The following TRIM62 variants were observed in gnomAD, a reference collection of about 807,000 sequenced individuals.
TRIM62 encodes tripartite motif containing 62.
In TRIM62, 39 loss-of-function variants were observed where a neutral mutation model predicts 44.2. The ratio of observed to expected loss-of-function variants is 0.88; its 90% CI spans 0.68 to 1.15. The LOEUF is 1.15. TRIM62 is among the 50% of genes most tolerant of loss of function. TRIM62 has a pLI of 0.00. For synonymous variants in TRIM62, 278 were observed against 292.3 expected, an observed-to-expected ratio of 0.95 and a Z score of 0.50; for missense variants, 544 against 665.5, an observed-to-expected ratio of 0.82 and a Z score of 2.01.
chr1:33,159,309 C>T lies in TRIM62; in HGVS notation c.761+379G>A, dbSNP rs1645228064. Among the ~76,000 whole-genome samples, 1 of 151,942 alleles carries T rather than the reference C, an allele frequency of 6.6e-6. No homozygotes were observed. The highest frequency in any genetic ancestry group is 1.5e-5 in the Non-Finnish European group (1 of 67,984). ...TATATTTATATTATGATTGTAAACA[C>T]TATTAAATGCTACCTACTATCTATA... On this transcript the variant is annotated intron_variant, in intron 3 of 4. Transcript: ENST00000291416. The surrounding 1 kb of genome is among the most constrained non-coding windows in gnomAD (Gnocchi z 4.2).
At chr1:33,171,208 A>G (rs1645372391) in intron 1 of TRIM62, among the ~76,000 whole-genome samples, 1 of 152,226 alleles carries the variant, frequency 6.6e-6, no homozygotes, top group African/African-American at 2.4e-5. Context: ...AGGAAACTGG[A>G]GCCTGATAAA....
rs6682860 is a variant in TRIM62, at chr1:33,145,749, G to A, written c.*1428C>T. On this transcript the variant is annotated 3_prime_UTR_variant, in exon 5 of 5. Coordinates refer to ENST00000291416, the MANE Select transcript of TRIM62 (RefSeq NM_018207.3). Reference sequence around the variant, plus strand: ...CACCTCTGGGCAGGGATAGAGCCAAGGGGCAGGACAACCCTAGATGTGGAC... The same window carrying A: ...CACCTCTGGGCAGGGATAGAGCCAAAGGGCAGGACAACCCTAGATGTGGAC... 9.2e-3 allele frequency: 3,731 copies of A among 407,560 alleles called. 118 individuals carry two copies. The highest frequency in any genetic ancestry group is 0.069 in the African/African-American group (3,329 of 48,138). 25.2% of individuals were successfully genotyped at this position (407,560 alleles called of 1,614,324 possible).
chr1:33,169,670 G>A (rs2124744152), intron 1 of TRIM62, among the ~76,000 whole-genome samples: 1 of 152,304 alleles, frequency 6.6e-6, no homozygotes, highest in South Asian at 2.1e-4. Flanking sequence ...GTCCAGACGT[G>A]TGCTGTTCAA....
chr1:33,152,693 T>A (rs1645118514), intron 4 of TRIM62, among the ~76,000 whole-genome samples: 1 of 152,228 alleles, frequency 6.6e-6, no homozygotes, highest in African/African-American at 2.4e-5. Flanking sequence ...ACAAATAATT[T>A]AATCTGCATA....
rs758391891 is a variant in TRIM62, at chr1:33,165,932, A to G, written c.409-366T>C. 1.2e-5 allele frequency: 2 copies of G among 167,482 alleles called. No homozygotes were observed. The highest frequency in any genetic ancestry group is 2.6e-5 in the Non-Finnish European group (2 of 78,308). 10.4% of individuals were successfully genotyped at this position (167,482 alleles called of 1,614,324 possible). ...AGGCCACAGGTGGGTATTGGTCCAT[A>G]GCTTGTTAGGAACCTGGACGCACAG... is the stretch of plus-strand genomic sequence containing the variant. On this transcript the variant is annotated intron_variant, in intron 1 of 4. Transcript: ENST00000291416. The surrounding 1 kb of genome is among the most constrained non-coding windows in gnomAD (Gnocchi z 4.0).
At chr1:33,170,822 C>G (rs1645368331) in intron 1 of TRIM62, among the ~76,000 whole-genome samples, 1 of 152,146 alleles carries the variant, frequency 6.6e-6, no homozygotes, top group African/African-American at 2.4e-5. Flanking sequence ...GCCCCAGTGC[C>G]TTGTCTGAAA....
chr1:33,159,693 G>C lies in TRIM62; in HGVS notation c.756C>G (p.Ser252=). The change falls in exon 3 of 5, where the codon TCC becomes TCG. Residue 252 remains serine (S), a synonymous_variant. Transcript: ENST00000291416. The surrounding 1 kb of genome is among the most constrained non-coding windows in gnomAD (Gnocchi z 4.2). ...CCCCGGCGGGTGGCACTTACCGCTC[G>C]GACAGTGAGGCCACCCCAGCCAGGA... ...HTFLAGVASL[S]ERLKGKIHET... is the part of the protein sequence containing the mutation. The C allele has an allele frequency of 6.2e-7, 1 of 1,606,890 alleles. No homozygotes were observed. Among genetic ancestry groups the C allele is most frequent in the Non-Finnish European group, 8.5e-7 (1 of 1,178,098 alleles).
At chr1:33,148,947 CTT>C in intron 4 of TRIM62, among the ~76,000 whole-genome samples, 1 of 152,322 alleles carries the variant, frequency 6.6e-6, no homozygotes, top group South Asian at 2.1e-4. Flanking sequence ...AGCGCCAGTC[CTT>C]TCTCCCAGCC....
chr1:33,159,581 A>G lies in TRIM62; in HGVS notation c.761+107T>C. On this transcript the variant is annotated intron_variant, in intron 3 of 4. Transcript: ENST00000291416. The surrounding 1 kb of genome is among the most constrained non-coding windows in gnomAD (Gnocchi z 4.2). ...CCGTAAATGTTTGATGAAGATTTGA[A>G]TGAAAGAATTCTCTGCTAAGGATCC... is the stretch of plus-strand genomic sequence containing the variant. The G allele has an allele frequency of 7.0e-7, 1 of 1,420,974 alleles. No homozygotes were observed. Among genetic ancestry groups the G allele is most frequent in the Non-Finnish European group, 9.3e-7 (1 of 1,074,238 alleles). The allele number at this position is 1,420,974 out of a possible 1,614,324, so 88.0% of individuals were successfully genotyped here.
intron 4 of TRIM62, among the ~76,000 whole-genome samples, chr1:33,152,775 C>T (rs1284300776): frequency 6.6e-6 from 1 of 152,032 alleles, no homozygotes; most frequent in African/African-American, 2.4e-5. Context: ...GAGGGGAGTG[C>T]ATTGCTCTGG....
At chr1:33,152,573 GAAAAAA>G (rs34380913) in intron 4 of TRIM62, among the ~76,000 whole-genome samples, 6 of 102,824 alleles carry the variant, frequency 5.8e-5, no homozygotes, top group Non-Finnish European at 1.2e-4. Flanking sequence ...GTCTCAAAAA[GAAAAAA>G]AAAAAAAAAA....
rs1003436834 is a variant in TRIM62 at position 33,165,258 on chromosome 1, C to T, written c.504+213G>A. On this transcript the variant is annotated intron_variant, in intron 2 of 4. Transcript: ENST00000291416. The surrounding 1 kb of genome is among the most constrained non-coding windows in gnomAD (Gnocchi z 4.0). ...CCGAGGGACCAGCCCACATCCTTGC[C>T]GCCAGTCATGATGGGGTGGGTGCCG... The T allele has an allele frequency of 1.4e-5, 7 of 485,286 alleles. No individual in the cohort carries two copies. Among genetic ancestry groups the T allele is most frequent in the Non-Finnish European group, 2.2e-5 (6 of 269,872 alleles). 30.1% of individuals were successfully genotyped at this position (485,286 alleles called of 1,614,324 possible). A position where few individuals can be genotyped will look rare whatever the true frequency, so the allele number is the denominator to read the frequency against.
chr1:33,163,304 G>A (rs529800006), intron 2 of TRIM62: 28 of 152,286 alleles, frequency 1.8e-4, no homozygotes, highest in African/African-American at 6.3e-4. Context: ...CTCCCAAAGT[G>A]CTAGGATTAC....
Position 33,147,120 on chromosome 1 carries a change from G to T in TRIM62, c.*57C>A. 6.4e-7 allele frequency: 1 copy of T among 1,572,838 alleles called. No homozygotes were observed. Among genetic ancestry groups the T allele is most frequent in the Non-Finnish European group, 8.7e-7 (1 of 1,155,578 alleles). On this transcript the variant is annotated 3_prime_UTR_variant, in exon 5 of 5. Transcript: ENST00000291416. This position sits in a 1 kb window ranked among gnomAD's most constrained non-coding sequence, Gnocchi z 8.1. The stretch of plus-strand genomic sequence containing the variant: ...GGAGTCCAGGTCTTCTATCTCCTGG[G>T]CAGGGCTCTTGCAGGTGGCAGTGGT...
In TRIM62 at chr1:33,147,479, C is replaced by CCTTGCGG; in HGVS notation, c.1119_1125dup (p.Gly376ProfsTer35). 6.2e-7 allele frequency: 1 copy of CCTTGCGG among 1,613,824 alleles called. No individual in the cohort carries two copies. The highest frequency in any genetic ancestry group is 1.3e-5 in the African/African-American group (1 of 75,056). ...CGGCTGGGCTGGATCTGGATGCTGCCCTTGCGGCTTGCGGCTTCGTGTGCC... is the reference window on the plus strand; with the variant it reads ...CGGCTGGGCTGGATCTGGATGCTGCCCTTGCGGCTTGCGGCTTGCGGCTTCGTGTGCC... On this transcript the variant is annotated frameshift_variant, in exon 5 of 5. Transcript: ENST00000291416. LOFTEE classifies it high-confidence loss of function. This position sits in a 1 kb window ranked among gnomAD's most constrained non-coding sequence, Gnocchi z 8.1.
rs1373645410 is a variant in TRIM62, at chr1:33,165,840, ACT to A, written c.409-276_409-275del. Reference sequence around the variant, plus strand: ...TGTGACAATCGACTTCCACATACACACTCTCTGGCTCCCCACACTTGGCCCTG... The same window carrying A: ...TGTGACAATCGACTTCCACATACACACTCTGGCTCCCCACACTTGGCCCTG... On this transcript the variant is annotated intron_variant, in intron 1 of 4. Coordinates refer to ENST00000291416, the MANE Select transcript of TRIM62 (RefSeq NM_018207.3). The surrounding 1 kb of genome is among the most constrained non-coding windows in gnomAD (Gnocchi z 4.0). 2.4e-5 allele frequency: 7 copies of A among 286,650 alleles called. No homozygotes were observed. The highest frequency in any genetic ancestry group is 4.5e-5 in the Non-Finnish European group (7 of 153,976). 17.8% of individuals were successfully genotyped at this position (286,650 alleles called of 1,614,324 possible). A position where few individuals can be genotyped will look rare whatever the true frequency, so the allele number is the denominator to read the frequency against.
chr1:33,173,692 TC>T (rs1312455187), intron 1 of TRIM62, among the ~76,000 whole-genome samples: 29 of 131,224 alleles, frequency 2.2e-4, no homozygotes, highest in African/African-American at 6.2e-4. Context: ...TTTTTTTTTT[TC>T]CCTAATTAAA....
At chr1:33,156,110 C>G (rs934449367) in intron 4 of TRIM62, among the ~76,000 whole-genome samples, 1 of 152,226 alleles carries the variant, frequency 6.6e-6, no homozygotes, top group Non-Finnish European at 1.5e-5. Context: ...AGCCATGCAG[C>G]AGATCGCAGT....
In TRIM62 at chr1:33,147,767, A is replaced by G. The variant is rs1471114425; in HGVS notation, c.878-40T>C. 23 of 1,584,244 alleles carry G rather than the reference A, an allele frequency of 1.5e-5. No individual in the cohort carries two copies. Among genetic ancestry groups the G allele is most frequent in the African/African-American group, 2.7e-5 (2 of 74,562 alleles). On this transcript the variant is annotated intron_variant, in intron 4 of 4. Transcript: ENST00000291416. This position sits in a 1 kb window ranked among gnomAD's most constrained non-coding sequence, Gnocchi z 8.1. The stretch of plus-strand genomic sequence containing the variant: ...GGAGGGAGAGAAGATGAGTGGGGAG[A>G]AGGCTGTGGACCCACCATGCAGTGC...
Sources: gnomAD v4.1 joint callset for allele counts (sites outside exome capture counted in the v4.1 genomes callset) on GRCh38, gnomAD v4.1.1 for gene constraint, Gnocchi (gnomAD v3.1) non-coding constraint, MANE v1.5 for transcripts, NCBI Gene and HGNC (gene_info 2026-07-23, HGNC 2026-07-21) for gene names.